The following BCKDHB variants were observed in gnomAD, a reference collection of about 807,000 sequenced individuals.
BCKDHB encodes the protein branched chain keto acid dehydrogenase E1 subunit beta.
A neutral mutation model predicts 48.5 loss-of-function variants in BCKDHB; 41 were observed. That is an observed-to-expected ratio of 0.85 (90% CI 0.66 to 1.10). The LOEUF (loss-of-function observed/expected upper bound fraction) is 1.10, where lower values mean the gene tolerates loss of function less well. BCKDHB is among the 50% of genes least tolerant of loss of function. The pLI, the probability that BCKDHB is intolerant of heterozygous loss-of-function variation, is 0.00. For synonymous variants in BCKDHB, 201 were observed against 174.8 expected, an observed-to-expected ratio of 1.15 and a Z score of -1.18; for missense variants, 496 against 494.2, an observed-to-expected ratio of 1.00 and a Z score of -0.03.
At chr6:80,192,985 A>T (rs931309965) in intron 6 of BCKDHB, among the ~76,000 whole-genome samples, 7 of 151,492 alleles carry the variant, frequency 4.6e-5, no homozygotes, top group African/African-American at 7.3e-5. Flanking sequence ...TGCCTGGCTA[A>T]TTTTTTTCTA....
At chr6:80,182,618 A>C (rs1161064989) in intron 6 of BCKDHB, among the ~76,000 whole-genome samples, 1 of 151,988 alleles carries the variant, frequency 6.6e-6, no homozygotes, top group Non-Finnish European at 1.5e-5. Context: ...CTCACTTTGA[A>C]CTCCTTTCCT....
intron 9 of BCKDHB, chr6:80,307,701 G>C (rs1767948467): frequency 3.1e-6 from 3 of 973,764 alleles, no homozygotes; most frequent in Non-Finnish European, 3.7e-6. Context: ...ACACAACACT[G>C]TGTAAATGTC....
intron 4 of BCKDHB, 38 bp from the exon 5 acceptor site, chr6:80,168,837 T>G (rs758981693): frequency 1.3e-6 from 2 of 1,564,730 alleles, no homozygotes; most frequent in East Asian, 4.6e-5. Context: ...AGGGAAGGAC[T>G]CATTGTGCCA....
chr6:80,229,493 G>C (rs1221984920), intron 8 of BCKDHB, among the ~76,000 whole-genome samples: 1 of 152,144 alleles, frequency 6.6e-6, no homozygotes, highest in Admixed American at 6.5e-5. Flanking sequence ...AGCAAAGATT[G>C]TAAGAGATGA....
chr6:80,150,837 G>A (rs1008408014), intron 3 of BCKDHB, among the ~76,000 whole-genome samples: 1 of 152,052 alleles, frequency 6.6e-6, no homozygotes, highest in African/African-American at 2.4e-5. Flanking sequence ...GATTACAGGC[G>A]TGAGCCACCA....
At chr6:80,363,381 G>A in the BCKDHB span, among the ~76,000 whole-genome samples, 2 of 151,990 alleles carry the variant, frequency 1.3e-5, no homozygotes, top group Non-Finnish European at 2.9e-5. Flanking sequence ...ATATGTTTTT[G>A]GTTACAAGAA....
At chr6:80,217,861 AG>A (rs1391124949) in intron 8 of BCKDHB, among the ~76,000 whole-genome samples, 3 of 152,226 alleles carry the variant, frequency 2.0e-5, no homozygotes, top group Non-Finnish European at 4.4e-5. Flanking sequence ...AGAGCGAAGA[AG>A]GGTTTTTAAC....
At chr6:80,146,679 A>G (rs910660294) in intron 3 of BCKDHB, among the ~76,000 whole-genome samples, 1 of 152,138 alleles carries the variant, frequency 6.6e-6, no homozygotes, top group African/African-American at 2.4e-5. Context: ...GAATTGCCCA[A>G]AGGCTTAGGA....
chr6:80,406,238 G>A, the BCKDHB span, among the ~76,000 whole-genome samples: 1 of 152,152 alleles, frequency 6.6e-6, no homozygotes, highest in Non-Finnish European at 1.5e-5. Context: ...ATGGACATTT[G>A]GGTTTGTTCC....
intron 8 of BCKDHB, among the ~76,000 whole-genome samples, chr6:80,242,407 A>C (rs1348133340): frequency 6.6e-6 from 1 of 152,170 alleles, no homozygotes; most frequent in Non-Finnish European, 1.5e-5. Context: ...TTTATAATAA[A>C]TTTGAATATC....
intron 3 of BCKDHB, among the ~76,000 whole-genome samples, chr6:80,144,528 C>T (rs1177400997): frequency 2.0e-5 from 3 of 152,204 alleles, no homozygotes; most frequent in Middle Eastern, 3.4e-3. Flanking sequence ...GAAGGTGAAT[C>T]GGGAGGGGAA....
At chr6:80,171,525 A>G (rs1262838557) in intron 6 of BCKDHB, 135 bp downstream of exon 6, 9 of 606,136 alleles carry the variant, frequency 1.5e-5, no homozygotes, top group Admixed American at 6.8e-5. Context: ...TTTTTTTGGT[A>G]TTTAGTTTGT....
chr6:80,317,144 C>T (rs1768489274), intron 9 of BCKDHB, among the ~76,000 whole-genome samples: 1 of 152,168 alleles, frequency 6.6e-6, no homozygotes. Flanking sequence ...TGCAGTTTCT[C>T]TCCTTTACCC....
At chr6:80,273,036 T>C in intron 8 of BCKDHB, 99 bp from the exon 9 acceptor site, 1 of 878,236 alleles carries the variant, frequency 1.1e-6, no homozygotes, top group Non-Finnish European at 1.8e-6. Context: ...CACTATTTAT[T>C]GAATGTATAT....
intron 3 of BCKDHB, among the ~76,000 whole-genome samples, chr6:80,145,396 G>A (rs2127747036): frequency 6.6e-6 from 1 of 152,256 alleles, no homozygotes; most frequent in Non-Finnish European, 1.5e-5. Context: ...TATCAGGAGT[G>A]CTTGAGGGGA....
At position 80,344,330 on chromosome 6, in the gene BCKDHB, C is replaced by A. The variant is rs954788660; in HGVS notation, c.*526C>A. ...ATATTTACATTTAATAGAAACATAT[C>A]TAGCATATGTATATGTGATTTTTTT... On this transcript the variant is annotated 3_prime_UTR_variant, in exon 10 of 10. Coordinates refer to ENST00000320393, the MANE Select transcript of BCKDHB (RefSeq NM_183050.4). The A allele has an allele frequency of 5.9e-6, 1 of 168,594 alleles. No homozygotes were observed. The highest frequency in any genetic ancestry group is 1.2e-5 in the Non-Finnish European group (1 of 82,404). The allele number at this position is 168,594 out of a possible 1,614,324, so 10.4% of individuals were successfully genotyped here.
intron 3 of BCKDHB, among the ~76,000 whole-genome samples, chr6:80,151,948 A>G (rs1771806512): frequency 6.6e-6 from 1 of 152,162 alleles, no homozygotes; most frequent in South Asian, 2.1e-4. Flanking sequence ...GTGTTGACGT[A>G]GGTACTGGGT....
At chr6:80,151,971 T>A (rs1351861243) in intron 3 of BCKDHB, among the ~76,000 whole-genome samples, 1 of 152,182 alleles carries the variant, frequency 6.6e-6, no homozygotes, top group African/African-American at 2.4e-5. Flanking sequence ...AGATATGTTT[T>A]AGGAAACATC....
the BCKDHB span, among the ~76,000 whole-genome samples, chr6:80,433,015 C>T: frequency 6.6e-6 from 1 of 152,150 alleles, no homozygotes; most frequent in Non-Finnish European, 1.5e-5. Context: ...AAGATTGCTT[C>T]CTGTTCTTTC....
Sources: allele counts gnomAD v4.1 joint callset (sites outside exome capture counted in the v4.1 genomes callset), GRCh38; gene constraint gnomAD v4.1.1; transcripts MANE v1.5; gene names NCBI Gene and HGNC (gene_info 2026-07-23, HGNC 2026-07-21).